The following INPP4A variants were observed in gnomAD, a reference collection of about 807,000 sequenced individuals.
INPP4A encodes inositol polyphosphate-4-phosphatase, type I, 107kD.
Under a neutral mutation model 119.8 loss-of-function variants are expected in INPP4A, and 33 were observed. The observed-to-expected ratio is 0.28, with a 90% CI of 0.21 to 0.37. The LOEUF is 0.37. INPP4A is among the 10% of genes least tolerant of loss of function. The pLI, the probability that INPP4A is intolerant of heterozygous loss-of-function variation, is 1.00. For missense variants in INPP4A, 956 were observed against 1,289.9 expected, an observed-to-expected ratio of 0.74 and a Z score of 3.97; for synonymous variants, 496 against 500.7, an observed-to-expected ratio of 0.99 and a Z score of 0.12.
At chr2:98,470,608 C>G (rs1675799673) in intron 1 of INPP4A, among the ~76,000 whole-genome samples, 1 of 151,748 alleles carries the variant, frequency 6.6e-6, no homozygotes, top group Admixed American at 6.6e-5. Context: ...GGTGTGACCT[C>G]TGGTTAGACG....
At chr2:98,544,185 G>T (rs1692060461) in intron 11 of INPP4A, among the ~76,000 whole-genome samples, 178 bp downstream of exon 11, 1 of 152,198 alleles carries the variant, frequency 6.6e-6, no homozygotes, top group Non-Finnish European at 1.5e-5. Flanking sequence ...TCTTATGTAG[G>T]TGTGAATTCT....
At chr2:98,524,134 C>CT (rs1399590130) in intron 4 of INPP4A, among the ~76,000 whole-genome samples, 16 of 152,324 alleles carry the variant, frequency 1.1e-4, no homozygotes, top group South Asian at 6.2e-4. Flanking sequence ...ATTATAAACA[C>CT]TATCACAGTG....
intron 4 of INPP4A, among the ~76,000 whole-genome samples, chr2:98,530,205 A>G: frequency 6.6e-6 from 1 of 152,134 alleles, no homozygotes; most frequent in East Asian, 1.9e-4. Context: ...AAGTGAAAAA[A>G]AAAAAAAAAT....
chr2:98,455,928 G>C (rs1696062162), intron 1 of INPP4A, among the ~76,000 whole-genome samples: 1 of 152,208 alleles, frequency 6.6e-6, no homozygotes, highest in South Asian at 2.1e-4. Context: ...TCCTGGTCCA[G>C]CTAGAGCGTC....
chr2:98,504,065 A>G (rs1391158907), intron 1 of INPP4A, among the ~76,000 whole-genome samples: 2 of 152,204 alleles, frequency 1.3e-5, no homozygotes, highest in African/African-American at 4.8e-5. Flanking sequence ...TTGAGGTTTC[A>G]TTATTCCAGC....
chr2:98,503,520 TC>T (rs1344306320), intron 1 of INPP4A, among the ~76,000 whole-genome samples: 1 of 152,246 alleles, frequency 6.6e-6, no homozygotes, highest in Non-Finnish European at 1.5e-5. Flanking sequence ...TCAAGCTTCT[TC>T]CTTGCCTCTG....
At chr2:98,452,499 G>A (rs374899689) in intron 1 of INPP4A, among the ~76,000 whole-genome samples, 27 of 152,324 alleles carry the variant, frequency 1.8e-4, no homozygotes, top group African/African-American at 6.0e-4. Flanking sequence ...GCTGGAGACA[G>A]GGCTGACTTT....
At chr2:98,486,621 G>T (rs544723218) in intron 1 of INPP4A, among the ~76,000 whole-genome samples, 4 of 152,066 alleles carry the variant, frequency 2.6e-5, no homozygotes, top group Non-Finnish European at 5.9e-5. Context: ...AGCTTTTAGG[G>T]TGTGGGGCTG....
In INPP4A at chr2:98,591,720, C is replaced by G. The variant is rs1220492714; in HGVS notation, c.*4112C>G. The G allele has an allele frequency of 6.6e-6, 1 of 152,354 alleles. No individual in the cohort carries two copies. Among genetic ancestry groups the G allele is most frequent in the Non-Finnish European group, 1.5e-5 (1 of 68,226 alleles). 9.4% of individuals were successfully genotyped at this position (152,354 alleles called of 1,614,324 possible). ...TTGCGCTGGAGGAAGGTAAGAGGAG[C>G]TGGAGGTTGGAGCTTCCCGATTTGT... On this transcript the variant is annotated 3_prime_UTR_variant, in exon 25 of 25. Transcript: ENST00000409851.
chr2:98,515,026 C>T (rs1206898249), intron 1 of INPP4A, among the ~76,000 whole-genome samples: 3 of 152,178 alleles, frequency 2.0e-5, no homozygotes, highest in East Asian at 1.9e-4. Flanking sequence ...GCACATAGGG[C>T]GGGCAGGGCA....
intron 1 of INPP4A, among the ~76,000 whole-genome samples, chr2:98,500,049 G>GTAA: frequency 6.6e-6 from 1 of 152,318 alleles, no homozygotes; most frequent in East Asian, 1.9e-4. Flanking sequence ...CTCAGGCCGT[G>GTAA]TCATTCTCCA....
At chr2:98,567,923 G>A (rs1446198536) in intron 21 of INPP4A, among the ~76,000 whole-genome samples, 3 of 152,204 alleles carry the variant, frequency 2.0e-5, no homozygotes, top group Non-Finnish European at 4.4e-5. Context: ...AGGCCCCTCA[G>A]CAGGGATGTG....
At chr2:98,563,680 C>T (rs1445307690) in intron 18 of INPP4A, 43 bp downstream of exon 18, 3 of 1,597,558 alleles carry the variant, frequency 1.9e-6, no homozygotes, top group South Asian at 2.2e-5. Flanking sequence ...GGGCACCTCT[C>T]AGCTCAGAAA....
chr2:98,568,894 T>G (rs1696952043), intron 22 of INPP4A: 2 of 490,218 alleles, frequency 4.1e-6, no homozygotes, highest in Admixed American at 3.5e-5. Flanking sequence ...CTATGTGACA[T>G]GGCTCCTTCC....
chr2:98,565,003 T>C (rs569373068), intron 19 of INPP4A, among the ~76,000 whole-genome samples: 5 of 152,364 alleles, frequency 3.3e-5, no homozygotes, highest in African/African-American at 1.2e-4. Context: ...GGACTTTGGG[T>C]TGTTCCTGAA....
chr2:98,450,099 T>A (rs181305976), intron 1 of INPP4A, among the ~76,000 whole-genome samples: 56 of 152,296 alleles, frequency 3.7e-4, no homozygotes, highest in South Asian at 2.3e-3. Flanking sequence ...GATGCTTTTT[T>A]AATTTTTTTT....
At position 98,564,778 on chromosome 2, in the gene INPP4A, C is replaced by A; in HGVS notation, c.2152+15C>A. Reference sequence around the variant, plus strand: ...GAGCACCTACGGTGAGGCGCCCGGGCCAGGATCGGGAGCCCCACTTGCGTG... The same window carrying A: ...GAGCACCTACGGTGAGGCGCCCGGGACAGGATCGGGAGCCCCACTTGCGTG... On this transcript the variant is annotated intron_variant, in intron 19 of 24. Coordinates refer to ENST00000409851, the MANE Select transcript of INPP4A (RefSeq NM_001134225.2). The A allele has an allele frequency of 1.9e-6, 3 of 1,566,406 alleles. No homozygotes were observed. The South Asian group carries it at 3.5e-5, about 18-fold the overall frequency.
intron 17 of INPP4A, among the ~76,000 whole-genome samples, chr2:98,561,702 T>G (rs1307673557): frequency 6.6e-6 from 1 of 152,242 alleles, no homozygotes; most frequent in Admixed American, 6.5e-5. Context: ...TTGTATATTT[T>G]GATCATTTTC....
chr2:98,488,935 CTGTG>C (rs55758146), intron 1 of INPP4A, among the ~76,000 whole-genome samples: 17,488 of 125,772 alleles, frequency 0.14, 1,205 homozygotes, highest in African/African-American at 0.2. Flanking sequence ...AGTACATGCA[CTGTG>C]TGTGTGTGTG....
Sources: gnomAD v4.1 joint callset for allele counts (sites outside exome capture counted in the v4.1 genomes callset) on GRCh38, gnomAD v4.1.1 for gene constraint, MANE v1.5 for transcripts, NCBI Gene and HGNC (gene_info 2026-07-23, HGNC 2026-07-21) for gene names.